NTN4: variants seen among roughly 807,000 people sequenced by gnomAD.
The protein encoded by NTN4 is netrin 4.
Under a neutral mutation model 73.6 loss-of-function variants are expected in NTN4, and 32 were observed. The ratio of observed to expected loss-of-function variants is 0.44; its 90% CI spans 0.33 to 0.58. The LOEUF (loss-of-function observed/expected upper bound fraction) is 0.58, where lower values mean the gene tolerates loss of function less well. Ranked by LOEUF, NTN4 falls within the 20% of genes least tolerant of loss-of-function variation. NTN4 has a pLI of 0.04. For missense variants in NTN4, 654 were observed against 798.3 expected (o/e 0.82, Z 2.18); for synonymous variants, 258 against 287.5 (o/e 0.90, Z 1.04).
chr12:95,779,572 T>C lies in NTN4; in HGVS notation c.585+7367A>G, dbSNP rs2079117942. ...CCATTCACAATTGTTTCAAAGAGAA[T>C]AAAATACCTAGGAATCCAACTTACA... On this transcript the variant is annotated intron_variant, in intron 2 of 9. Transcript: ENST00000343702. 1.3e-5 allele frequency among the ~76,000 whole-genome samples: 2 copies of C among 151,898 alleles called. 1 individual carries two copies. The highest frequency in any genetic ancestry group is 4.2e-4 in the South Asian group (2 of 4,800).
chr12:95,714,820 A>C (rs2078593610), intron 3 of NTN4, among the ~76,000 whole-genome samples: 1 of 152,210 alleles, frequency 6.6e-6, no homozygotes. Context: ...ATCTGTGAGC[A>C]AAGTTTATTT....
chr12:95,710,227 T>C (rs1304380912), intron 5 of NTN4, among the ~76,000 whole-genome samples: 1 of 152,212 alleles, frequency 6.6e-6, no homozygotes, highest in Non-Finnish European at 1.5e-5. Context: ...TTATGGAGAA[T>C]GAGAAAGGAA....
rs1446484830 is a variant in NTN4 at position 95,699,464 on chromosome 12, A to T, written c.1180+10977T>A. On this transcript the variant is annotated intron_variant, in intron 5 of 9. Transcript: ENST00000343702. ...AAAATGAAATAACTGTTTAAGAGAG[A>T]TCAGTGCAAACGGAAATGCAGAGAC... is the stretch of plus-strand genomic sequence containing the variant. Among the ~76,000 whole-genome samples the T allele has an allele frequency of 5.3e-5, 8 of 152,290 alleles. No homozygotes were observed. The East Asian group carries it at 1.5e-3, about 29-fold the overall frequency.
intron 2 of NTN4, among the ~76,000 whole-genome samples, chr12:95,753,326 C>A (rs1054817869): frequency 6.8e-6 from 1 of 147,706 alleles, no homozygotes; most frequent in Non-Finnish European, 1.5e-5. Flanking sequence ...TTATTCAGGC[C>A]CCCTCCCTTC....
intron 2 of NTN4, among the ~76,000 whole-genome samples, chr12:95,741,724 TAAAAC>T (rs995001220): frequency 6.7e-6 from 1 of 150,308 alleles, no homozygotes; most frequent in African/African-American, 2.4e-5. Context: ...CAACGAAAAA[TAAAAC>T]AATTATAACA....
intron 3 of NTN4, among the ~76,000 whole-genome samples, chr12:95,729,822 T>G (rs2078725074): frequency 6.6e-6 from 1 of 152,146 alleles, no homozygotes; most frequent in Non-Finnish European, 1.5e-5. Context: ...AAGACACAAA[T>G]GAAATACCAT....
At chr12:95,770,520 G>T (rs2079049907) in intron 2 of NTN4, among the ~76,000 whole-genome samples, 1 of 152,110 alleles carries the variant, frequency 6.6e-6, no homozygotes, top group Admixed American at 6.6e-5. Context: ...GTGGGATCAG[G>T]GGCTATTTAC....
intron 2 of NTN4, among the ~76,000 whole-genome samples, chr12:95,778,237 T>A (rs2121290188): frequency 6.6e-6 from 1 of 151,820 alleles, no homozygotes; most frequent in East Asian, 1.9e-4. Flanking sequence ...CACCCTAACA[T>A]CACAATTAAA....
At chr12:95,700,060 T>G (rs1592673019) in intron 5 of NTN4, among the ~76,000 whole-genome samples, 1 of 145,558 alleles carries the variant, frequency 6.9e-6, no homozygotes, top group South Asian at 2.2e-4. Context: ...TTTCAAACAG[T>G]GTATTCTTCT....
chr12:95,790,138 A>T lies in NTN4; in HGVS notation c.55+117T>A. The T allele has an allele frequency of 2.4e-6, 2 of 839,750 alleles. No homozygotes were observed. The highest frequency in any genetic ancestry group is 3.6e-6 in the Non-Finnish European group (2 of 559,434). 52.0% of individuals were successfully genotyped at this position (839,750 alleles called of 1,614,324 possible). A position where few individuals can be genotyped will look rare whatever the true frequency, so the allele number is the denominator to read the frequency against. On this transcript the variant is annotated intron_variant, in intron 1 of 9. Coordinates refer to ENST00000343702, the MANE Select transcript of NTN4 (RefSeq NM_021229.4). The surrounding 1 kb of genome is among the most constrained non-coding windows in gnomAD (Gnocchi z 6.5). ...GAGGCGGAACATGGCCACTCATTTC[A>T]CCCTCGGGAGCAGCGCTCTGCGCTC...
chr12:95,773,354 A>G (rs2079070689), intron 2 of NTN4, among the ~76,000 whole-genome samples: 1 of 152,218 alleles, frequency 6.6e-6, no homozygotes, highest in South Asian at 2.1e-4. Flanking sequence ...CTTTATAAGT[A>G]AGCCCTGAAT....
chr12:95,682,057 C>CTTTTTGTTTTTTT (rs2078320522), intron 7 of NTN4, among the ~76,000 whole-genome samples: 1 of 64,546 alleles, frequency 1.5e-5, no homozygotes, highest in Non-Finnish European at 2.6e-5. Flanking sequence ...ATTCAGTAGG[C>CTTTTTGTTTTTTT]TTTTTTTTTT....
At chr12:95,771,309 T>C (rs2079057792) in intron 2 of NTN4, among the ~76,000 whole-genome samples, 1 of 152,176 alleles carries the variant, frequency 6.6e-6, no homozygotes, top group African/African-American at 2.4e-5. Context: ...TTCTTAGAGA[T>C]ACACTGAGTG....
rs557973212 is a variant in NTN4, at chr12:95,682,057, CT to C, written c.1510+649del. Reference sequence around the variant, plus strand: ...TTCCAAACCTAATATATTCAGTAGGCTTTTTTTTTTTTTTTTTTTTTTTGAG... The same window carrying C: ...TTCCAAACCTAATATATTCAGTAGGCTTTTTTTTTTTTTTTTTTTTTTGAG... On this transcript the variant is annotated intron_variant, in intron 7 of 9. Coordinates refer to ENST00000343702, the MANE Select transcript of NTN4 (RefSeq NM_021229.4). 1.5e-3 allele frequency among the ~76,000 whole-genome samples: 94 copies of C among 64,514 alleles called. 1 individual carries two copies. The highest frequency in any genetic ancestry group is 4.7e-3 in the African/African-American group (69 of 14,634). 42.3% of individuals were successfully genotyped at this position (64,514 alleles called of 152,430 possible).
chr12:95,702,006 G>A (rs1008554929), intron 5 of NTN4, among the ~76,000 whole-genome samples: 35 of 152,114 alleles, frequency 2.3e-4, no homozygotes, highest in African/African-American at 8.0e-4. Flanking sequence ...CTGGCTGGGC[G>A]CGGTGGCTCA....
At chr12:95,764,283 C>T (rs1338462657) in intron 2 of NTN4, among the ~76,000 whole-genome samples, 1 of 152,174 alleles carries the variant, frequency 6.6e-6, no homozygotes, top group Admixed American at 6.5e-5. Flanking sequence ...GGAGTCAGCT[C>T]TATAGGTAAC....
chr12:95,760,445 T>C (rs2078979161), intron 2 of NTN4, among the ~76,000 whole-genome samples: 1 of 152,170 alleles, frequency 6.6e-6, no homozygotes, highest in South Asian at 2.1e-4. Flanking sequence ...TGTAGCTTTC[T>C]CCTCCCCAGT....
Position 95,658,476 on chromosome 12 carries a change from C to T in NTN4, c.*610G>A, listed in dbSNP as rs1318996396. On this transcript the variant is annotated 3_prime_UTR_variant, in exon 10 of 10. Coordinates refer to ENST00000343702, the MANE Select transcript of NTN4 (RefSeq NM_021229.4). ...GGTCACTTTTGTCCACATGTAGTGG[C>T]AGTGCTGCTGCTTCAGTAGGCTTTC... 6.6e-6 allele frequency: 1 copy of T among 152,650 alleles called. No homozygotes were observed. The highest frequency in any genetic ancestry group is 6.5e-5 in the Admixed American group (1 of 15,278). 9.5% of individuals were successfully genotyped at this position (152,650 alleles called of 1,614,324 possible). A position where few individuals can be genotyped will look rare whatever the true frequency, so the allele number is the denominator to read the frequency against.
intron 2 of NTN4, among the ~76,000 whole-genome samples, chr12:95,758,428 T>C (rs892814106): frequency 2.0e-5 from 3 of 152,252 alleles, no homozygotes; most frequent in African/African-American, 7.2e-5. Flanking sequence ...TGTTTTCTTC[T>C]TATTGAGTTA....
Sources: gnomAD v4.1 joint callset for allele counts (sites outside exome capture counted in the v4.1 genomes callset) on GRCh38, gnomAD v4.1.1 for gene constraint, Gnocchi (gnomAD v3.1) non-coding constraint, MANE v1.5 for transcripts, NCBI Gene and HGNC (gene_info 2026-07-23, HGNC 2026-07-21) for gene names.